Variants in SORCS3 observed in about 807,000 individuals in gnomAD.
The protein encoded by SORCS3 is sortilin related VPS10 domain containing receptor 3.
SORCS3 carries 57 observed loss-of-function variants against 146.3 expected under a neutral mutation model. That is an observed-to-expected ratio of 0.39 (90% CI 0.31 to 0.49). The LOEUF is 0.49. Ranked by LOEUF, SORCS3 falls within the 20% of genes least tolerant of loss-of-function variation. SORCS3 has a pLI of 0.92. For missense variants in SORCS3, 1,341 were observed against 1,575.5 expected, an observed-to-expected ratio of 0.85 and a Z score of 2.52; for synonymous variants, 653 against 618.5, an observed-to-expected ratio of 1.06 and a Z score of -0.83.
chr10:104,787,298 T>C (rs1388821661), intron 1 of SORCS3, among the ~76,000 whole-genome samples: 1 of 152,216 alleles, frequency 6.6e-6, no homozygotes, highest in Non-Finnish European at 1.5e-5. Flanking sequence ...CCAGTATTCT[T>C]ATTGATGGGT....
chr10:104,790,356 G>T (rs2017482831), intron 1 of SORCS3, among the ~76,000 whole-genome samples: 1 of 152,214 alleles, frequency 6.6e-6, no homozygotes. Context: ...AGCCATATTG[G>T]AAAGGTGGTT....
intron 2 of SORCS3, among the ~76,000 whole-genome samples, chr10:104,907,187 G>A (rs1259374295): frequency 4.0e-5 from 6 of 150,964 alleles, no homozygotes; most frequent in African/African-American, 1.2e-4. Context: ...CCTGATAATT[G>A]TTATTCAGTT....
At chr10:104,779,111 C>T (rs530381881) in intron 1 of SORCS3, among the ~76,000 whole-genome samples, 2 of 152,302 alleles carry the variant, frequency 1.3e-5, no homozygotes, top group East Asian at 3.9e-4. Flanking sequence ...CAAGGAATGT[C>T]ACCAGCCTCC....
intron 3 of SORCS3, among the ~76,000 whole-genome samples, chr10:104,917,084 G>A (rs1177079704): frequency 6.6e-6 from 1 of 152,182 alleles, no homozygotes; most frequent in African/African-American, 2.4e-5. Flanking sequence ...TTATGGTTCA[G>A]CATTGGTGAT....
chr10:104,856,033 C>G (rs527851194), intron 2 of SORCS3, among the ~76,000 whole-genome samples: 1 of 152,250 alleles, frequency 6.6e-6, no homozygotes, highest in East Asian at 1.9e-4. Flanking sequence ...CCACCATGCC[C>G]AGCCATGCTT....
intron 1 of SORCS3, among the ~76,000 whole-genome samples, chr10:104,713,290 G>T (rs4350297): frequency 0.15 from 22,476 of 152,158 alleles, 2,098 homozygotes; most frequent in Middle Eastern, 0.28. Context: ...GTGGGTGGTG[G>T]TAACAAAGAA....
chr10:104,987,479 A>T (rs2054969099), intron 4 of SORCS3, among the ~76,000 whole-genome samples: 1 of 152,196 alleles, frequency 6.6e-6, no homozygotes, highest in Non-Finnish European at 1.5e-5. Flanking sequence ...AATGGGGCTG[A>T]TTTAGTAAAA....
At chr10:104,821,216 C>T (rs565023419) in intron 1 of SORCS3, among the ~76,000 whole-genome samples, 6 of 152,160 alleles carry the variant, frequency 3.9e-5, no homozygotes, top group African/African-American at 7.2e-5. Context: ...GGAACATAGA[C>T]CCCACTTCTC....
At chr10:105,249,473 CAGAT>C (rs989252783) in intron 22 of SORCS3, among the ~76,000 whole-genome samples, 43 of 152,166 alleles carry the variant, frequency 2.8e-4, no homozygotes, top group African/African-American at 1.0e-3. Flanking sequence ...AAGGAGCTGA[CAGAT>C]AGGAAGAAGA....
At chr10:104,869,171 T>C (rs1217653881) in intron 2 of SORCS3, among the ~76,000 whole-genome samples, 1 of 151,750 alleles carries the variant, frequency 6.6e-6, no homozygotes, top group Admixed American at 6.6e-5. Flanking sequence ...AAATATATAT[T>C]TATATACATA....
At chr10:104,979,502 C>G (rs957460569) in intron 4 of SORCS3, among the ~76,000 whole-genome samples, 1 of 152,122 alleles carries the variant, frequency 6.6e-6, no homozygotes, top group African/African-American at 2.4e-5. Flanking sequence ...TCACTCTGCT[C>G]TCTTAAATAC....
intron 1 of SORCS3, among the ~76,000 whole-genome samples, chr10:104,684,126 C>A (rs73330352): frequency 6.6e-6 from 1 of 152,104 alleles, no homozygotes; most frequent in Admixed American, 6.5e-5. Flanking sequence ...GGCTCTGGCA[C>A]GAGGCACCCC....
chr10:104,696,626 C>T (rs1296718081), intron 1 of SORCS3, among the ~76,000 whole-genome samples: 1 of 82,040 alleles, frequency 1.2e-5, no homozygotes, highest in Non-Finnish European at 2.2e-5. Context: ...ATATTATATA[C>T]GTATATATTA....
intron 1 of SORCS3, among the ~76,000 whole-genome samples, chr10:104,703,115 CA>C (rs1307312497): frequency 6.6e-6 from 1 of 152,058 alleles, no homozygotes; most frequent in Non-Finnish European, 1.5e-5. Flanking sequence ...TCCCAAAGTC[CA>C]AGGGAAATTT....
At chr10:104,962,720 A>G (rs551777175) in intron 3 of SORCS3, among the ~76,000 whole-genome samples, 1 of 152,336 alleles carries the variant, frequency 6.6e-6, no homozygotes, top group South Asian at 2.1e-4. Flanking sequence ...GTGTGTGTAG[A>G]CAGATAATGT....
intron 1 of SORCS3, among the ~76,000 whole-genome samples, chr10:104,734,652 G>A (rs2016747877): frequency 6.6e-6 from 1 of 152,198 alleles, no homozygotes. Context: ...AGTCATGAGG[G>A]ATCCACACTT....
intron 1 of SORCS3, among the ~76,000 whole-genome samples, chr10:104,739,773 C>G (rs997554782): frequency 4.6e-5 from 7 of 152,208 alleles, no homozygotes; most frequent in African/African-American, 1.7e-4. Flanking sequence ...GTCCCCACAT[C>G]CTTCTATACC....
intron 5 of SORCS3, among the ~76,000 whole-genome samples, chr10:105,051,375 G>A (rs2055411637): frequency 6.6e-6 from 1 of 152,080 alleles, no homozygotes; most frequent in South Asian, 2.1e-4. Context: ...TGTGGTTGGA[G>A]TGAATACTCT....
intron 1 of SORCS3, among the ~76,000 whole-genome samples, chr10:104,745,339 A>G (rs1265881956): frequency 6.6e-6 from 1 of 152,218 alleles, no homozygotes; most frequent in Non-Finnish European, 1.5e-5. Flanking sequence ...AGAAAAGTAG[A>G]CCAAAACATC....
Sources: allele counts gnomAD v4.1 joint callset (sites outside exome capture counted in the v4.1 genomes callset), GRCh38; gene constraint gnomAD v4.1.1; transcripts MANE v1.5; gene names NCBI Gene and HGNC (gene_info 2026-07-23, HGNC 2026-07-21).